Variants in PDCD1LG2 observed in about 807,000 individuals in gnomAD.
PDCD1LG2 encodes the protein B7 dendritic cell molecule.
In PDCD1LG2, 32 loss-of-function variants were observed where a neutral mutation model predicts 28.2. That is an observed-to-expected ratio of 1.13 (90% CI 0.86 to 1.52). PDCD1LG2 has a LOEUF of 1.52. PDCD1LG2 is among the 40% of genes most tolerant of loss of function. The pLI is 0.00. For missense variants in PDCD1LG2, 385 were observed against 323.8 expected (o/e 1.19, Z -1.45); for synonymous variants, 116 against 120.2 (o/e 0.97, Z 0.23).
intron 4 of PDCD1LG2, among the ~76,000 whole-genome samples, chr9:5,551,136 G>A (rs1184619206): frequency 2.0e-5 from 3 of 152,106 alleles, no homozygotes; most frequent in African/African-American, 7.2e-5. Context: ...GCCATGTAAG[G>A]TGACATATTC....
At chr9:5,543,432 G>C (rs1051050630) in intron 3 of PDCD1LG2, among the ~76,000 whole-genome samples, 2 of 151,938 alleles carry the variant, frequency 1.3e-5, no homozygotes, top group Admixed American at 6.6e-5. Flanking sequence ...GCAGCTACTC[G>C]GGAGGCTGAG....
intron 3 of PDCD1LG2, among the ~76,000 whole-genome samples, chr9:5,545,042 T>C (rs1816157700): frequency 6.6e-6 from 1 of 152,210 alleles, no homozygotes; most frequent in Admixed American, 6.5e-5. Flanking sequence ...ATGTTTTACT[T>C]AGGGTTGAAA....
At chr9:5,544,666 T>C (rs1820757249) in intron 3 of PDCD1LG2, among the ~76,000 whole-genome samples, 1 of 152,146 alleles carries the variant, frequency 6.6e-6, no homozygotes, top group African/African-American at 2.4e-5. Context: ...GGGATAATAA[T>C]ACAGTTGACT....
At chr9:5,542,561 A>G (rs1248809220) in intron 3 of PDCD1LG2, among the ~76,000 whole-genome samples, 1 of 152,258 alleles carries the variant, frequency 6.6e-6, no homozygotes, top group African/African-American at 2.4e-5. Flanking sequence ...GGAGATACAC[A>G]AATGACCAAC....
At chr9:5,511,027 A>G (rs1169868127) in intron 1 of PDCD1LG2, among the ~76,000 whole-genome samples, 1 of 152,204 alleles carries the variant, frequency 6.6e-6, no homozygotes, top group East Asian at 1.9e-4. Flanking sequence ...TCAGTTTTAT[A>G]AGGTGAGATA....
intron 1 of PDCD1LG2, among the ~76,000 whole-genome samples, chr9:5,515,796 G>T (rs984234834): frequency 6.6e-6 from 1 of 151,546 alleles, no homozygotes; most frequent in Admixed American, 6.6e-5. Flanking sequence ...AGTTGTGCAC[G>T]CCTGTTGTCC....
intron 1 of PDCD1LG2, among the ~76,000 whole-genome samples, chr9:5,521,298 T>C (rs1165811854): frequency 1.3e-5 from 2 of 152,142 alleles, no homozygotes; most frequent in South Asian, 2.1e-4. Flanking sequence ...TGGATAATAG[T>C]GTTTGTTGCA....
chr9:5,543,565 C>T (rs1023347646), intron 3 of PDCD1LG2, among the ~76,000 whole-genome samples: 65 of 148,906 alleles, frequency 4.4e-4, no homozygotes, highest in African/African-American at 1.5e-3. Context: ...AAAAAATGGC[C>T]TTCACCCTAA....
chr9:5,529,740 G>A (rs1820445993), intron 2 of PDCD1LG2, among the ~76,000 whole-genome samples: 1 of 152,124 alleles, frequency 6.6e-6, no homozygotes, highest in Non-Finnish European at 1.5e-5. Context: ...TCATTCTGGG[G>A]CACAGACCTC....
chr9:5,550,946 G>A (rs1304333543), intron 4 of PDCD1LG2, among the ~76,000 whole-genome samples: 1 of 152,126 alleles, frequency 6.6e-6, no homozygotes, highest in Non-Finnish European at 1.5e-5. Context: ...GCCCGCCTCA[G>A]CCTCCCAAAT....
intron 6 of PDCD1LG2, among the ~76,000 whole-genome samples, chr9:5,566,889 G>A (rs1418795507): frequency 2.0e-5 from 3 of 152,090 alleles, no homozygotes; most frequent in Non-Finnish European, 4.4e-5. Flanking sequence ...TATTAAAAAT[G>A]TTATTTATAG....
chr9:5,523,589 C>T (rs914257631), intron 2 of PDCD1LG2, among the ~76,000 whole-genome samples: 1 of 152,212 alleles, frequency 6.6e-6, no homozygotes, highest in South Asian at 2.1e-4. Context: ...AGATATTCTG[C>T]TTACTTCTAC....
intron 1 of PDCD1LG2, among the ~76,000 whole-genome samples, chr9:5,513,874 C>G (rs1820106946): frequency 6.6e-6 from 1 of 152,184 alleles, no homozygotes; most frequent in Admixed American, 6.5e-5. Context: ...ATAACTTGCC[C>G]AAAGGCATTC....
intron 1 of PDCD1LG2, among the ~76,000 whole-genome samples, chr9:5,521,596 C>A (rs747741603): frequency 1.3e-5 from 2 of 152,088 alleles, no homozygotes; most frequent in Non-Finnish European, 2.9e-5. Context: ...GCAACCTCTC[C>A]CTCTCAGCAA....
chr9:5,538,166 A>C (rs1318456683), intron 3 of PDCD1LG2, among the ~76,000 whole-genome samples: 1 of 152,188 alleles, frequency 6.6e-6, no homozygotes, highest in Non-Finnish European at 1.5e-5. Flanking sequence ...TGAATAGATT[A>C]GGTTCCTTAC....
intron 1 of PDCD1LG2, among the ~76,000 whole-genome samples, chr9:5,511,972 A>G (rs1820068490): frequency 6.6e-6 from 1 of 152,096 alleles, no homozygotes; most frequent in African/African-American, 2.4e-5. Context: ...TGTTGAATGG[A>G]TTTATTTGAT....
rs569731003 is a variant in PDCD1LG2 at position 5,540,249 on chromosome 9, C to G, written c.361+5199C>G. Among the ~76,000 whole-genome samples, 10 of 152,220 alleles carry G rather than the reference C, an allele frequency of 6.6e-5. No homozygotes were observed. In the South Asian group the frequency reaches 2.1e-3, roughly 32 times the overall value. Reference sequence around the variant, plus strand: ...ACAGCAAAAGCAGTGCTAAGAGAAACATTCATAGCATTAAATGCCTACATC... The same window carrying G: ...ACAGCAAAAGCAGTGCTAAGAGAAAGATTCATAGCATTAAATGCCTACATC... On this transcript the variant is annotated intron_variant, in intron 3 of 6. Coordinates refer to ENST00000397747, the MANE Select transcript of PDCD1LG2 (RefSeq NM_025239.4).
At chr9:5,557,579 T>C in intron 4 of PDCD1LG2, 39 bp from the exon 5 acceptor site, 1 of 1,611,988 alleles carries the variant, frequency 6.2e-7, no homozygotes, top group Non-Finnish European at 8.5e-7. Flanking sequence ...ACCTCTTAGT[T>C]GCCATGTAAC....
chr9:5,526,592 C>A (rs961627538), intron 2 of PDCD1LG2, among the ~76,000 whole-genome samples: 5 of 152,092 alleles, frequency 3.3e-5, no homozygotes, highest in Non-Finnish European at 7.4e-5. Context: ...CATGTACCAC[C>A]CGGTCTGGCT....
Sources: gnomAD v4.1 joint callset for allele counts (sites outside exome capture counted in the v4.1 genomes callset) on GRCh38, gnomAD v4.1.1 for gene constraint, MANE v1.5 for transcripts, NCBI Gene and HGNC (gene_info 2026-07-23, HGNC 2026-07-21) for gene names.